Variants in TTC8 observed in about 807,000 individuals in gnomAD.
The protein encoded by TTC8 is tetratricopeptide repeat protein 8.
A neutral mutation model predicts 72.5 loss-of-function variants in TTC8; 47 were observed. The ratio of observed to expected loss-of-function variants is 0.65; its 90% CI spans 0.51 to 0.83. The LOEUF (loss-of-function observed/expected upper bound fraction) is 0.83. Ranked by LOEUF, TTC8 falls within the 40% of genes least tolerant of loss-of-function variation. The pLI, the probability that TTC8 is intolerant of heterozygous loss-of-function variation, is 0.00. For synonymous variants in TTC8, 199 were observed against 221.4 expected, an observed-to-expected ratio of 0.90 and a Z score of 0.90; for missense variants, 611 against 623.2, an observed-to-expected ratio of 0.98 and a Z score of 0.21.
intron 8 of TTC8, among the ~76,000 whole-genome samples, chr14:88,853,389 T>A (rs1470617030): frequency 6.6e-6 from 1 of 152,206 alleles, no homozygotes; most frequent in Non-Finnish European, 1.5e-5. Context: ...TCTGCTGATT[T>A]CTAGTTCTGT....
At chr14:88,861,684 T>TA (rs1413085055) in intron 10 of TTC8, among the ~76,000 whole-genome samples, 1 of 152,188 alleles carries the variant, frequency 6.6e-6, no homozygotes, top group African/African-American at 2.4e-5. Flanking sequence ...TTTTACCTTT[T>TA]ACCTCCATTA....
intron 3 of TTC8, among the ~76,000 whole-genome samples, chr14:88,839,838 TA>T (rs1351476596): frequency 6.6e-6 from 1 of 152,210 alleles, no homozygotes; most frequent in East Asian, 1.9e-4. Flanking sequence ...CAAGCTATAT[TA>T]TGCATTTTAG....
chr14:88,857,959 CTTTCAT>C (rs1388885636), intron 9 of TTC8, among the ~76,000 whole-genome samples: 3 of 150,964 alleles, frequency 2.0e-5, no homozygotes, highest in African/African-American at 7.3e-5. Context: ...GATTTTCTTT[CTTTCAT>C]TTTTTTTTTT....
In TTC8 at chr14:88,826,154, A is replaced by AT. The variant is rs541257365; in HGVS notation, c.114+1340dup. ...AGTTACGTGCCACCAAGCCTGGCTA[A>AT]TTTTTTTGTATTTTTAGTAGAGACG... On this transcript the variant is annotated intron_variant, in intron 1 of 14. Coordinates refer to ENST00000380656, the MANE Select transcript of TTC8 (RefSeq NM_144596.4). 4.6e-5 allele frequency among the ~76,000 whole-genome samples: 7 copies of AT among 151,070 alleles called. No homozygotes were observed. In the East Asian group the frequency reaches 1.2e-3, roughly 26 times the overall value.
At chr14:88,876,061 G>C (rs1199682627) in intron 14 of TTC8, among the ~76,000 whole-genome samples, 1 of 152,100 alleles carries the variant, frequency 6.6e-6, no homozygotes, top group African/African-American at 2.4e-5. Context: ...GGAACCCAAG[G>C]CTTAAAGAGG....
chr14:88,874,928 A>G, intron 13 of TTC8, 98 bp from the exon 14 acceptor site: 1 of 842,642 alleles, frequency 1.2e-6, no homozygotes, highest in Non-Finnish European at 1.9e-6. Flanking sequence ...AAGTCCTGTC[A>G]TAGGTAAAGA....
At chr14:88,841,631 A>C in intron 6 of TTC8, 117 bp downstream of exon 6, 1 of 874,412 alleles carries the variant, frequency 1.1e-6, no homozygotes, top group Non-Finnish European at 1.9e-6. Flanking sequence ...TTGAAGTGGA[A>C]ATGTTTTATA....
intron 10 of TTC8, among the ~76,000 whole-genome samples, chr14:88,862,175 G>A (rs535078351): frequency 2.6e-5 from 4 of 151,892 alleles, no homozygotes; most frequent in South Asian, 2.1e-4. Context: ...GATGATAGCC[G>A]TTCTAACTGG....
At chr14:88,841,732 T>C (rs1305967354) in intron 6 of TTC8, among the ~76,000 whole-genome samples, 1 of 152,196 alleles carries the variant, frequency 6.6e-6, no homozygotes, top group African/African-American at 2.4e-5. Flanking sequence ...GAAATTCTTT[T>C]CCCTTGATAA....
intron 9 of TTC8, among the ~76,000 whole-genome samples, chr14:88,858,465 CAT>C (rs1431084592): frequency 6.6e-6 from 1 of 152,124 alleles, no homozygotes; most frequent in East Asian, 1.9e-4. Flanking sequence ...TAAAAATTAA[CAT>C]ATGAAAAGCA....
At position 88,855,267 on chromosome 14, in the gene TTC8, G is replaced by A. The variant is rs147385693; in HGVS notation, c.711-1923G>A. Among the ~76,000 whole-genome samples the A allele has an allele frequency of 5.5e-3, 844 of 152,234 alleles. 11 individuals are homozygous for A. The highest frequency in any genetic ancestry group is 0.019 in the African/African-American group (802 of 41,542). On this transcript the variant is annotated intron_variant, in intron 8 of 14. Transcript: ENST00000380656. ...TGATTATCATTGCTTTAAGGACATG[G>A]TTGTTACCTTCTTCATTTTTCATCT...
At chr14:88,856,269 GGC>G (rs1372171327) in intron 8 of TTC8, among the ~76,000 whole-genome samples, 2 of 152,058 alleles carry the variant, frequency 1.3e-5, no homozygotes, top group Admixed American at 1.3e-4. Context: ...TTAATCCCAA[GGC>G]CTCCAATAGC....
chr14:88,843,719 C>G (rs1216974036), intron 6 of TTC8, 87 bp from the exon 7 acceptor site: 4 of 900,668 alleles, frequency 4.4e-6, no homozygotes, highest in Admixed American at 2.5e-5. Context: ...GCCCTTTTAT[C>G]TATAAATCCA....
At chr14:88,861,927 A>C (rs1209907233) in intron 10 of TTC8, among the ~76,000 whole-genome samples, 3 of 152,222 alleles carry the variant, frequency 2.0e-5, no homozygotes, top group African/African-American at 2.4e-5. Flanking sequence ...GGCTATTGTG[A>C]ATAGTGCTGC....
intron 9 of TTC8, among the ~76,000 whole-genome samples, chr14:88,858,310 C>G (rs2094866883): frequency 6.6e-6 from 1 of 151,902 alleles, no homozygotes; most frequent in Admixed American, 6.6e-5. Flanking sequence ...CTCACCAAGG[C>G]TACTTTGAAA....
chr14:88,850,134 T>A (rs528773402), intron 7 of TTC8, among the ~76,000 whole-genome samples: 2 of 152,186 alleles, frequency 1.3e-5, no homozygotes, highest in Non-Finnish European at 2.9e-5. Flanking sequence ...TTTTAAAAAT[T>A]TGGGAATGAT....
intron 10 of TTC8, among the ~76,000 whole-genome samples, chr14:88,864,581 G>A (rs1020293321): frequency 6.6e-6 from 1 of 152,156 alleles, no homozygotes; most frequent in Non-Finnish European, 1.5e-5. Context: ...GCTCTGGAGT[G>A]GATTCCTTTT....
intron 2 of TTC8, among the ~76,000 whole-genome samples, chr14:88,837,540 G>T (rs1281238163): frequency 6.6e-6 from 1 of 152,176 alleles, no homozygotes; most frequent in African/African-American, 2.4e-5. Context: ...GAATGAACAA[G>T]CAGAGCCCAT....
downstream of TTC8, chr14:88,880,343 A>G (rs1214106326): frequency 1.3e-5 from 2 of 152,174 alleles, no homozygotes; most frequent in African/African-American, 4.8e-5. Flanking sequence ...TAAAAACAAC[A>G]TTTTTGAGAG....
Sources: gnomAD v4.1 joint callset for allele counts (sites outside exome capture counted in the v4.1 genomes callset) on GRCh38, gnomAD v4.1.1 for gene constraint, MANE v1.5 for transcripts, NCBI Gene and HGNC (gene_info 2026-07-23, HGNC 2026-07-21) for gene names.